Variants in PPP1R14C observed in about 807,000 individuals in gnomAD.
PPP1R14C encodes the protein protein phosphatase 1 regulatory subunit 14C.
A neutral mutation model predicts 20.4 loss-of-function variants in PPP1R14C; 16 were observed. The observed-to-expected ratio is 0.78, with a 90% CI of 0.53 to 1.19. The LOEUF (loss-of-function observed/expected upper bound fraction) is 1.19. Among genes scored for constraint, PPP1R14C ranks in the 50% most tolerant of loss-of-function variants. The pLI is 0.00. For missense variants in PPP1R14C, 211 were observed against 220.1 expected, an observed-to-expected ratio of 0.96 and a Z score of 0.26; for synonymous variants, 91 against 91.0, an observed-to-expected ratio of 1.00 and a Z score of 0.00.
At chr6:150,214,019 TGGTAGCCACC>T (rs1177025830) in intron 1 of PPP1R14C, among the ~76,000 whole-genome samples, 2 of 152,230 alleles carry the variant, frequency 1.3e-5, no homozygotes, top group Non-Finnish European at 2.9e-5. Flanking sequence ...CAGGGTTGTA[TGGTAGCCACC>T]GGTAATTTCC....
At chr6:150,234,565 G>A (rs373166969) in intron 3 of PPP1R14C, among the ~76,000 whole-genome samples, 1 of 152,094 alleles carries the variant, frequency 6.6e-6, no homozygotes, top group East Asian at 1.9e-4. Context: ...AAAGGATCAA[G>A]CCAGCTGGGC....
At position 150,179,464 on chromosome 6, in the gene PPP1R14C, T is replaced by C. The variant is rs963205442; in HGVS notation, c.307-35280T>C. Among the ~76,000 whole-genome samples, 5 of 151,804 alleles carry C rather than the reference T, an allele frequency of 3.3e-5. No individual in the cohort carries two copies. The East Asian group carries it at 9.7e-4, about 29-fold the overall frequency. ...GAGGGAGGGTCGGCCATGAAGACTT[T>C]ATCTATATAGCGAGGGTAACAGACA... On this transcript the variant is annotated intron_variant, in intron 1 of 3. Coordinates refer to ENST00000361131, the MANE Select transcript of PPP1R14C (RefSeq NM_030949.3).
At chr6:150,213,688 G>A (rs1366826643) in intron 1 of PPP1R14C, among the ~76,000 whole-genome samples, 2 of 152,224 alleles carry the variant, frequency 1.3e-5, no homozygotes, top group Non-Finnish European at 2.9e-5. Context: ...ATTCTGAGAG[G>A]TATAGAGAAG....
intron 1 of PPP1R14C, among the ~76,000 whole-genome samples, chr6:150,162,212 A>G (rs1240903956): frequency 5.9e-5 from 9 of 151,852 alleles, no homozygotes; most frequent in Non-Finnish European, 1.2e-4. Context: ...GCGCCTCAAC[A>G]TCCAGCTAAT....
At chr6:150,205,871 A>T (rs1291189314) in intron 1 of PPP1R14C, among the ~76,000 whole-genome samples, 2 of 152,082 alleles carry the variant, frequency 1.3e-5, no homozygotes, top group East Asian at 3.8e-4. Context: ...AGCCAGTGTC[A>T]TCTCTTCCCA....
At chr6:150,177,913 A>G (rs56101391) in intron 1 of PPP1R14C, among the ~76,000 whole-genome samples, 18,200 of 152,174 alleles carry the variant, frequency 0.12, 1,337 homozygotes, top group Non-Finnish European at 0.16. Context: ...TCCCTGTGGC[A>G]TGTGTGTTTT....
chr6:150,236,054 G>C (rs1007474210), intron 3 of PPP1R14C, among the ~76,000 whole-genome samples: 19 of 152,208 alleles, frequency 1.2e-4, no homozygotes, highest in Non-Finnish European at 5.9e-5. Context: ...GCAGCATGGT[G>C]CAAAGGGAAT....
In PPP1R14C at chr6:150,173,280, C is replaced by A. The variant is rs570278569; in HGVS notation, c.306+29782C>A. Among the ~76,000 whole-genome samples, 3 of 152,148 alleles carry A rather than the reference C, an allele frequency of 2.0e-5. No homozygotes were observed. In the East Asian group the frequency reaches 5.8e-4, roughly 29 times the overall value. The stretch of plus-strand genomic sequence containing the variant: ...TTGCATGAGTGGAGTTGGTTTTCAG[C>A]TCCTCTCATTTTCTCCCACACTTGG... On this transcript the variant is annotated intron_variant, in intron 1 of 3. Coordinates refer to ENST00000361131, the MANE Select transcript of PPP1R14C (RefSeq NM_030949.3).
rs1257102448 is a variant in PPP1R14C, at chr6:150,248,814, T to A, written c.492T>A (p.Ser164Arg). The change falls in exon 4 of 4, where the codon AGT becomes AGA. Residue 164 changes from serine to arginine, a missense_variant. By Grantham distance (110) the Ser-to-Arg change is moderately radical (BLOSUM62 -1). Coordinates refer to ENST00000361131, the MANE Select transcript of PPP1R14C (RefSeq NM_030949.3). ...MRKLSPPQKK[S>R]V ...AACTGAGCCCTCCGCAGAAGAAGAG[T>A]GTATGATTCTGGAACAGGGTGAAAC... 1 of 1,607,990 alleles carries A rather than the reference T, an allele frequency of 6.2e-7. No homozygotes were observed. Among genetic ancestry groups the A allele is most frequent in the South Asian group, 1.1e-5 (1 of 90,812 alleles).
chr6:150,215,000 CCT>C (rs2114910730), intron 2 of PPP1R14C, among the ~76,000 whole-genome samples, 173 bp downstream of exon 2: 1 of 152,350 alleles, frequency 6.6e-6, no homozygotes, highest in East Asian at 1.9e-4. Flanking sequence ...TCTTAAACTG[CCT>C]CTCTGAGGAT....
chr6:150,232,860 T>G (rs1475698478), intron 3 of PPP1R14C, among the ~76,000 whole-genome samples: 1 of 152,250 alleles, frequency 6.6e-6, no homozygotes, highest in Non-Finnish European at 1.5e-5. Context: ...TCTTGAATAT[T>G]TGTATTTGAC....
In PPP1R14C at chr6:150,226,541, G is replaced by A. The variant is rs140098005; in HGVS notation, c.423+9685G>A. ...AAATAGAACCTCCATTGTACTGGGA[G>A]GATGAACAGAAAATGCATTTAATGT... On this transcript the variant is annotated intron_variant, in intron 3 of 3. Transcript: ENST00000361131. Among the ~76,000 whole-genome samples the A allele has an allele frequency of 1.8e-3, 271 of 152,202 alleles. 2 individuals are homozygous for A. The highest frequency in any genetic ancestry group is 3.3e-3 in the Non-Finnish European group (222 of 68,016).
intron 1 of PPP1R14C, among the ~76,000 whole-genome samples, chr6:150,193,199 CT>C (rs1019382077): frequency 6.6e-6 from 1 of 151,958 alleles, no homozygotes; most frequent in African/African-American, 2.4e-5. Context: ...ACCGAGGGAG[CT>C]TTAAAAAGTC....
chr6:150,200,179 T>C (rs1019081610), intron 1 of PPP1R14C, among the ~76,000 whole-genome samples: 7 of 150,442 alleles, frequency 4.7e-5, no homozygotes, highest in African/African-American at 9.8e-5. Flanking sequence ...AGGATATATA[T>C]ATATACACAC....
At chr6:150,216,454 C>T (rs1361597395) in intron 2 of PPP1R14C, among the ~76,000 whole-genome samples, 1 of 152,012 alleles carries the variant, frequency 6.6e-6, no homozygotes, top group Non-Finnish European at 1.5e-5. Context: ...GAGATCGCAC[C>T]ACTGCACTCT....
intron 1 of PPP1R14C, among the ~76,000 whole-genome samples, chr6:150,177,429 A>G (rs1777574744): frequency 6.6e-6 from 1 of 152,190 alleles, no homozygotes. Context: ...TGGTGTGACC[A>G]AAAGGCTGGG....
At chr6:150,205,540 A>G (rs1341931656) in intron 1 of PPP1R14C, among the ~76,000 whole-genome samples, 1 of 152,044 alleles carries the variant, frequency 6.6e-6, no homozygotes, top group Middle Eastern at 3.2e-3. Context: ...CAAAATATAT[A>G]TATCATGCTT....
intron 3 of PPP1R14C, among the ~76,000 whole-genome samples, chr6:150,236,436 T>C (rs1221108388): frequency 6.6e-6 from 1 of 152,110 alleles, no homozygotes; most frequent in East Asian, 1.9e-4. Context: ...CCCAAAATAG[T>C]GCCCAGGACT....
At chr6:150,207,432 G>T (rs904568355) in intron 1 of PPP1R14C, among the ~76,000 whole-genome samples, 25 of 152,224 alleles carry the variant, frequency 1.6e-4, no homozygotes, top group African/African-American at 6.0e-4. Context: ...CATCAGGCAA[G>T]CTCATCTCCA....
Sources: gnomAD v4.1 joint callset for allele counts (sites outside exome capture counted in the v4.1 genomes callset) on GRCh38, gnomAD v4.1.1 for gene constraint, MANE v1.5 for transcripts, NCBI Gene and HGNC (gene_info 2026-07-23, HGNC 2026-07-21) for gene names.